Variants in LRMDA observed in about 807,000 individuals in gnomAD.
LRMDA encodes leucine rich melanocyte differentiation associated.
A neutral mutation model predicts 29.8 loss-of-function variants in LRMDA; 18 were observed. The observed-to-expected ratio is 0.60, with a 90% CI of 0.42 to 0.90. The LOEUF (loss-of-function observed/expected upper bound fraction) is 0.90. Among genes scored for constraint, LRMDA ranks in the 40% least tolerant of loss-of-function variants. LRMDA has a pLI of 0.00. For synonymous variants in LRMDA, 125 were observed against 109.4 expected, an observed-to-expected ratio of 1.14 and a Z score of -0.89; for missense variants, 273 against 273.9, an observed-to-expected ratio of 1.00 and a Z score of 0.02.
intron 2 of LRMDA, among the ~76,000 whole-genome samples, chr10:76,021,538 T>C (rs976024047): frequency 6.6e-5 from 10 of 152,198 alleles, no homozygotes; most frequent in African/African-American, 2.4e-4. Flanking sequence ...GTTTCCTTGC[T>C]TTGAAGTGTG....
intron 6 of LRMDA, among the ~76,000 whole-genome samples, chr10:76,461,680 T>C (rs1360413888): frequency 6.6e-6 from 1 of 152,108 alleles, no homozygotes; most frequent in Non-Finnish European, 1.5e-5. Context: ...CATCAAACTA[T>C]TATGGGAGGC....
In LRMDA at chr10:76,365,083, C is replaced by T. The variant is rs376461469; in HGVS notation, c.601+40598C>T. On this transcript the variant is annotated intron_variant, in intron 6 of 6. Coordinates refer to ENST00000611255, the MANE Select transcript of LRMDA (RefSeq NM_001305581.2). ...CATCGTATATATATACACACACACA[C>T]ACATATATATATATATATATATATA... Among the ~76,000 whole-genome samples, 116 of 50,834 alleles carry T rather than the reference C, an allele frequency of 2.3e-3. 3 individuals carry two copies. Among genetic ancestry groups the T allele is most frequent in the African/African-American group, 9.7e-3 (86 of 8,852 alleles). 33.3% of individuals were successfully genotyped at this position (50,834 alleles called of 152,430 possible).
chr10:75,552,870 G>A (rs942726905), intron 2 of LRMDA, among the ~76,000 whole-genome samples: 4 of 150,566 alleles, frequency 2.7e-5, no homozygotes, highest in Non-Finnish European at 5.9e-5. Flanking sequence ...CTTCCTTTTT[G>A]TTATCCTTTT....
chr10:75,711,425 A>G (rs1262995514), intron 2 of LRMDA, among the ~76,000 whole-genome samples: 5 of 152,232 alleles, frequency 3.3e-5, no homozygotes, highest in East Asian at 1.9e-4. Flanking sequence ...AATGCTAGGT[A>G]TAATTATCAC....
chr10:75,597,670 AAG>A (rs1190237010), intron 2 of LRMDA, among the ~76,000 whole-genome samples: 2 of 152,284 alleles, frequency 1.3e-5, no homozygotes, highest in East Asian at 3.9e-4. Flanking sequence ...ATCTTTAAAT[AAG>A]ACGATTGGTA....
chr10:75,485,535 T>C (rs1369182328), intron 2 of LRMDA, among the ~76,000 whole-genome samples: 1 of 152,188 alleles, frequency 6.6e-6, no homozygotes, highest in Non-Finnish European at 1.5e-5. Context: ...CAGCTGGCAC[T>C]ACAGGTGTGT....
chr10:75,612,474 G>A (rs1181017647), intron 2 of LRMDA, among the ~76,000 whole-genome samples: 27 of 151,970 alleles, frequency 1.8e-4, no homozygotes, highest in Admixed American at 1.8e-3. Context: ...AACTTTAATT[G>A]ATGCCATTTT....
chr10:75,682,280 C>T (rs1842032059), intron 2 of LRMDA, among the ~76,000 whole-genome samples: 1 of 152,176 alleles, frequency 6.6e-6, no homozygotes, highest in Non-Finnish European at 1.5e-5. Context: ...AGTAGACCCT[C>T]AGTATGTGCT....
Position 75,695,155 on chromosome 10 carries a change from G to A in LRMDA, c.131+256661G>A, listed in dbSNP as rs542951216. Among the ~76,000 whole-genome samples, 143 of 152,244 alleles carry A rather than the reference G, an allele frequency of 9.4e-4. 2 individuals carry two copies. Among genetic ancestry groups the A allele is most frequent in the African/African-American group, 2.9e-3 (119 of 41,538 alleles). On this transcript the variant is annotated intron_variant, in intron 2 of 6. Transcript: ENST00000611255. ...AACCAGTAAGACAGGGGTGGGTGGT[G>A]TGTCTTGCTTTTTTTAAATTTTTCC... is the stretch of plus-strand genomic sequence containing the variant.
chr10:76,174,487 A>G (rs1462137522), intron 5 of LRMDA, among the ~76,000 whole-genome samples: 1 of 152,188 alleles, frequency 6.6e-6, no homozygotes, highest in African/African-American at 2.4e-5. Context: ...TAACATTCTA[A>G]ATGTAAATAG....
At chr10:75,554,426 G>A (rs140835456) in intron 2 of LRMDA, among the ~76,000 whole-genome samples, 4 of 152,302 alleles carry the variant, frequency 2.6e-5, no homozygotes, top group Admixed American at 2.6e-4. Context: ...TGAGATTGAT[G>A]TGATGAGGTA....
At chr10:76,441,922 T>C (rs559912496) in intron 6 of LRMDA, among the ~76,000 whole-genome samples, 38 of 152,302 alleles carry the variant, frequency 2.5e-4, no homozygotes, top group African/African-American at 8.9e-4. Context: ...AGTATTTTCC[T>C]AGTCATAGCA....
intron 6 of LRMDA, among the ~76,000 whole-genome samples, chr10:76,383,724 C>T (rs1047918140): frequency 6.6e-6 from 1 of 152,078 alleles, no homozygotes; most frequent in African/African-American, 2.4e-5. Flanking sequence ...GCCACCGCGC[C>T]CGGCCCACCA....
chr10:75,552,067 T>TA (rs1018468565), intron 2 of LRMDA, among the ~76,000 whole-genome samples: 12 of 152,084 alleles, frequency 7.9e-5, no homozygotes, highest in African/African-American at 2.9e-4. Flanking sequence ...ACCGTGTCTC[T>TA]AAAAAATAAA....
intron 5 of LRMDA, among the ~76,000 whole-genome samples, chr10:76,086,769 A>C (rs1849143178): frequency 6.6e-6 from 1 of 152,194 alleles, no homozygotes; most frequent in Non-Finnish European, 1.5e-5. Flanking sequence ...CTGCTAGCAC[A>C]GTGATTTATG....
chr10:75,802,356 C>T (rs1335699455), intron 2 of LRMDA, among the ~76,000 whole-genome samples: 1 of 148,376 alleles, frequency 6.7e-6, no homozygotes, highest in Non-Finnish European at 1.5e-5. Flanking sequence ...CACACACACA[C>T]ACACACACAC....
At chr10:75,767,884 A>G (rs1229941961) in intron 2 of LRMDA, among the ~76,000 whole-genome samples, 1 of 152,252 alleles carries the variant, frequency 6.6e-6, no homozygotes, top group Non-Finnish European at 1.5e-5. Context: ...TGAGAGAGGC[A>G]GAGGGAAATT....
intron 2 of LRMDA, among the ~76,000 whole-genome samples, chr10:75,642,299 G>GT (rs111436953): frequency 0.081 from 12,347 of 152,226 alleles, 1,335 homozygotes; most frequent in African/African-American, 0.25. Context: ...TCCATGGTGA[G>GT]TATCCAGACT....
chr10:76,281,206 A>G (rs1840199663), intron 5 of LRMDA, among the ~76,000 whole-genome samples: 1 of 152,208 alleles, frequency 6.6e-6, no homozygotes, highest in South Asian at 2.1e-4. Context: ...CAAGGAGGTC[A>G]TCTTGGAGAT....
Sources: gnomAD v4.1 joint callset for allele counts (sites outside exome capture counted in the v4.1 genomes callset) on GRCh38, gnomAD v4.1.1 for gene constraint, MANE v1.5 for transcripts, NCBI Gene and HGNC (gene_info 2026-07-23, HGNC 2026-07-21) for gene names.